Variants in WRAP73 observed in about 807,000 individuals in gnomAD.
The protein encoded by WRAP73 is WD repeat containing, antisense to TP73.
In WRAP73, 55 loss-of-function variants were observed where a neutral mutation model predicts 59.6. The ratio of observed to expected loss-of-function variants is 0.92; its 90% CI spans 0.74 to 1.15. WRAP73 has a LOEUF of 1.15. Ranked by LOEUF, WRAP73 falls within the 50% of genes most tolerant of loss-of-function variation. The pLI, the probability that WRAP73 is intolerant of heterozygous loss-of-function variation, is 0.00. For synonymous variants in WRAP73, 265 were observed against 258.2 expected, an observed-to-expected ratio of 1.03 and a Z score of -0.25; for missense variants, 592 against 608.1, an observed-to-expected ratio of 0.97 and a Z score of 0.28.
chr1:3,648,979 G>A (rs1644715456), intron 1 of WRAP73, among the ~76,000 whole-genome samples: 1 of 152,216 alleles, frequency 6.6e-6, no homozygotes, highest in South Asian at 2.1e-4. Flanking sequence ...CAGAGCACAG[G>A]AATGTCAGGA....
At chr1:3,631,801 C>G in intron 10 of WRAP73, 144 bp from the exon 11 acceptor site, 1 of 1,435,092 alleles carries the variant, frequency 7.0e-7, no homozygotes, top group Admixed American at 2.8e-5. Flanking sequence ...AGTCTGGGTT[C>G]AGTTGGGCCC....
chr1:3,634,415 C>T (rs558596161), intron 8 of WRAP73: 32 of 165,678 alleles, frequency 1.9e-4, no homozygotes, highest in Admixed American at 1.2e-3. Context: ...CACATGGATG[C>T]GTGGCCCACT....
intron 8 of WRAP73, 50 bp downstream of exon 8, chr1:3,634,947 C>A (rs1432780056): frequency 1.9e-6 from 3 of 1,600,032 alleles, no homozygotes; most frequent in Non-Finnish European, 2.6e-6. Context: ...CAGTTTCCCA[C>A]CGCCCTCCCC....
chr1:3,647,167 G>A (rs1253381994), intron 2 of WRAP73: 8 of 484,988 alleles, frequency 1.6e-5, no homozygotes, highest in South Asian at 3.5e-5. Context: ...CACCACATCC[G>A]CGTGGCTAGA....
At chr1:3,636,371 C>T in intron 5 of WRAP73, 2 of 337,870 alleles carry the variant, frequency 5.9e-6, no homozygotes, top group Middle Eastern at 9.8e-4. Context: ...CACTCTCCCC[C>T]TCACCTTTCC....
At position 3,646,843 on chromosome 1, in the gene WRAP73, G is replaced by GCTGTCCTCGCT; in HGVS notation, c.223-62_223-61insAGCGAGGACAG. 2.0e-6 allele frequency: 3 copies of GCTGTCCTCGCT among 1,475,856 alleles called. No homozygotes were observed. The highest frequency in any genetic ancestry group is 2.8e-6 in the Non-Finnish European group (3 of 1,067,706). The allele number at this position is 1,475,856 out of a possible 1,614,324, so 91.4% of individuals were successfully genotyped here. A position where few individuals can be genotyped will look rare whatever the true frequency, so the allele number is the denominator to read the frequency against. ...ACTCATCAGCACCGAGAGACAGCGA[G>GCTGTCCTCGCT]GACAGCTCGCTTAAACGCAGCGGAG... On this transcript the variant is annotated intron_variant, in intron 2 of 11. Transcript: ENST00000270708. This position sits in a 1 kb window ranked among gnomAD's most constrained non-coding sequence, Gnocchi z 5.1.
At chr1:3,636,738 C>T in intron 5 of WRAP73, 1 of 519,512 alleles carries the variant, frequency 1.9e-6, no homozygotes, top group Non-Finnish European at 3.6e-6. Context: ...CACCATCACA[C>T]AGGACAAGGA....
Position 3,631,025 on chromosome 1 carries a change from T to C in WRAP73, c.1333A>G (p.Thr445Ala), listed in dbSNP as rs370971163. The change falls in exon 12 of 12, where the codon ACA becomes GCA. Residue 445 changes from threonine (T) to alanine (A), a missense_variant. By Grantham distance (58) the Thr-to-Ala change is moderately conservative. Transcript: ENST00000270708. ...CAGGCTGTGCCGACCACTGCCTCTG[T>C]CTCCAGGAAGCAGAGGCAGAAGTGA... ...KDHFCLCFLE[T>A]EAVVGTACRQ... 1.2e-5 allele frequency: 20 copies of C among 1,612,938 alleles called. No homozygotes were observed. The highest frequency in any genetic ancestry group is 1.7e-5 in the Non-Finnish European group (20 of 1,180,004).
chr1:3,630,984 G>A lies in WRAP73; in HGVS notation c.1374C>T (p.Gly458=). 2 of 1,612,712 alleles carry A rather than the reference G, an allele frequency of 1.2e-6. No homozygotes were observed. The highest frequency in any genetic ancestry group is 1.1e-5 in the South Asian group (1 of 91,064). Residue 458 remains glycine (G), a synonymous_variant, in exon 12 of 12, where the codon GGC becomes GGT. Transcript: ENST00000270708. ...CGTTAGTGCACCGCTGCTACGTGTG[G>A]CCGCCCAGCTGTCTGCAGGCTGTGC... ...VVGTACRQLG[G]HT
Position 3,631,848 on chromosome 1 carries a change from G to A in WRAP73, c.1049-191C>T, listed in dbSNP as rs141088279. 1.7e-3 allele frequency: 2,338 copies of A among 1,408,436 alleles called. 29 individuals carry two copies. In the African/African-American group the frequency reaches 0.028, roughly 17 times the overall value. 87.2% of individuals were successfully genotyped at this position (1,408,436 alleles called of 1,614,324 possible). On this transcript the variant is annotated intron_variant, in intron 10 of 11. Coordinates refer to ENST00000270708, the MANE Select transcript of WRAP73 (RefSeq NM_017818.4). ...TGGCCAGGGCCAGGGTGGCCATCAC[G>A]GGCTGTAAGGGGCCCAAATGTGTTT...
At chr1:3,643,305 A>C (rs931562809) in intron 3 of WRAP73, among the ~76,000 whole-genome samples, 3 of 152,232 alleles carry the variant, frequency 2.0e-5, no homozygotes, top group Non-Finnish European at 4.4e-5. Flanking sequence ...AAGAACAGTG[A>C]GGATGTGATT....
Position 3,630,979 on chromosome 1 carries a change from G to A in WRAP73, c.1379C>T (p.Thr460Met), listed in dbSNP as rs750897203. The A allele has an allele frequency of 5.6e-6, 9 of 1,612,536 alleles. No individual in the cohort carries two copies. The highest frequency in any genetic ancestry group is 1.7e-5 in the Admixed American group (1 of 59,982). The change falls in exon 12 of 12, where the codon ACG (threonine) becomes ATG (methionine). Residue 460 changes from threonine to methionine, a missense_variant. Thr to Met is a moderately conservative substitution (Grantham distance 81, BLOSUM62 -1). Transcript: ENST00000270708. The part of the protein sequence containing the change: ...GTACRQLGGH[T>M] ...GCACACGTTAGTGCACCGCTGCTAC[G>A]TGTGGCCGCCCAGCTGTCTGCAGGC...
chr1:3,632,670 T>C, intron 9 of WRAP73: 1 of 370,806 alleles, frequency 2.7e-6, no homozygotes, highest in Non-Finnish European at 5.1e-6. Context: ...CACTTTTCTG[T>C]CGACTACCAG....
At chr1:3,634,085 GACC>G (rs1644567056) in intron 8 of WRAP73, 2 of 153,034 alleles carry the variant, frequency 1.3e-5, no homozygotes, top group Admixed American at 1.3e-4. Flanking sequence ...AAACCTTCAG[GACC>G]TGTGTGGCCA....
intron 3 of WRAP73, among the ~76,000 whole-genome samples, chr1:3,643,528 G>A (rs1189449684): frequency 6.6e-6 from 1 of 152,162 alleles, no homozygotes; most frequent in Non-Finnish European, 1.5e-5. Context: ...GCACCCTCAC[G>A]TGGGGTGGCG....
At chr1:3,638,986 C>T (rs540816991) in intron 3 of WRAP73, 164 bp from the exon 4 acceptor site, 8 of 649,118 alleles carry the variant, frequency 1.2e-5, no homozygotes, top group Admixed American at 9.9e-5. Context: ...TATTCAAATG[C>T]GTATTTTACT....
intron 3 of WRAP73, 140 bp from the exon 4 acceptor site, chr1:3,638,962 C>T (rs1363496513): frequency 2.5e-6 from 2 of 788,678 alleles, no homozygotes; most frequent in Non-Finnish European, 4.1e-6. Context: ...GGGATGCCTG[C>T]CCTCCTACCG....
In WRAP73 at chr1:3,649,968, C is replaced by T; in HGVS notation, c.32G>A (p.Ser11Asn). 6.2e-7 allele frequency: 1 copy of T among 1,603,834 alleles called. No individual in the cohort carries two copies. The highest frequency in any genetic ancestry group is 8.5e-7 in the Non-Finnish European group (1 of 1,176,442). Residue 11 changes from serine (S) to asparagine (N), a missense_variant, in exon 1 of 12, where the codon AGC becomes AAC. Coordinates refer to ENST00000270708, the MANE Select transcript of WRAP73 (RefSeq NM_017818.4). The part of the protein sequence containing the change: MNFSEVFKLS[S>N]LLCKFSPDGK... ...GTCCGGGGAGAACTTGCAGAGTAAG[C>T]TGGAGAGCTTGAATACCTCGGAGAA...
intron 3 of WRAP73, among the ~76,000 whole-genome samples, chr1:3,645,390 GGGA>G: frequency 7.0e-6 from 1 of 143,326 alleles, no homozygotes; most frequent in African/African-American, 2.8e-5. Context: ...GTGGCGCAGC[GGGA>G]CGGGCGGGTT....
Sources: gnomAD v4.1 joint callset for allele counts (sites outside exome capture counted in the v4.1 genomes callset) on GRCh38, gnomAD v4.1.1 for gene constraint, Gnocchi (gnomAD v3.1) non-coding constraint, MANE v1.5 for transcripts, NCBI Gene and HGNC (gene_info 2026-07-23, HGNC 2026-07-21) for gene names.